Variants in HTR1E observed in about 807,000 individuals in gnomAD.
HTR1E encodes the protein 5-HT-1E.
HTR1E carries 3 observed loss-of-function variants against 3.4 expected under a neutral mutation model. The observed-to-expected ratio is 0.89, with a 90% confidence interval of 0.41 to 2.31. HTR1E has a LOEUF of 2.31. Among genes scored for constraint, HTR1E ranks in the 30% most tolerant of loss-of-function variants. The pLI, the probability that HTR1E is intolerant of heterozygous loss-of-function variation, is 0.05. For missense variants in HTR1E, 392 were observed against 467.0 expected, an observed-to-expected ratio of 0.84 and a Z score of 1.48; for synonymous variants, 170 against 182.8, an observed-to-expected ratio of 0.93 and a Z score of 0.56.
At chr6:86,956,023 G>A (rs918608157) in intron 1 of HTR1E, among the ~76,000 whole-genome samples, 4 of 152,076 alleles carry the variant, frequency 2.6e-5, no homozygotes, top group Admixed American at 2.6e-4. Flanking sequence ...TGGAATTGGG[G>A]CACAATGGAC....
intron 1 of HTR1E, among the ~76,000 whole-genome samples, chr6:87,011,742 G>A (rs1233676093): frequency 6.6e-6 from 1 of 152,134 alleles, no homozygotes; most frequent in Non-Finnish European, 1.5e-5. Flanking sequence ...GAAAGCGGAA[G>A]TATCAGACAG....
intron 1 of HTR1E, among the ~76,000 whole-genome samples, chr6:87,009,785 A>ACCC: frequency 1.0e-5 from 1 of 97,578 alleles, no homozygotes; most frequent in Non-Finnish European, 1.9e-5. Flanking sequence ...AGGGGGGCTG[A>ACCC]CCTCCCCCAC....
intron 1 of HTR1E, among the ~76,000 whole-genome samples, chr6:86,981,823 A>G (rs948003557): frequency 2.0e-5 from 3 of 152,244 alleles, no homozygotes; most frequent in African/African-American, 7.2e-5. Context: ...GAAGGGAAAG[A>G]GTCAGGATTT....
intron 1 of HTR1E, among the ~76,000 whole-genome samples, chr6:86,940,501 AC>A (rs1413554014): frequency 1.3e-5 from 2 of 152,312 alleles, no homozygotes; most frequent in East Asian, 3.9e-4. Flanking sequence ...GTGCCACGGC[AC>A]TACAGCCTAG....
At chr6:86,957,820 T>C (rs910281988) in intron 1 of HTR1E, among the ~76,000 whole-genome samples, 20 of 152,106 alleles carry the variant, frequency 1.3e-4, no homozygotes, top group Admixed American at 1.0e-3. Flanking sequence ...CATATCGAGA[T>C]CTCATGTGCA....
At chr6:86,947,495 T>A (rs984298176) in intron 1 of HTR1E, among the ~76,000 whole-genome samples, 1 of 152,142 alleles carries the variant, frequency 6.6e-6, no homozygotes, top group Non-Finnish European at 1.5e-5. Flanking sequence ...CACATGTTCA[T>A]TGTAGAAAAT....
At chr6:86,991,226 A>G (rs1767866477) in intron 1 of HTR1E, among the ~76,000 whole-genome samples, 1 of 152,188 alleles carries the variant, frequency 6.6e-6, no homozygotes, top group Non-Finnish European at 1.5e-5. Context: ...GATAAGAAAA[A>G]TTAAATACAA....
intron 1 of HTR1E, among the ~76,000 whole-genome samples, chr6:86,997,022 C>A (rs552648662): frequency 3.4e-4 from 52 of 151,992 alleles, no homozygotes; most frequent in African/African-American, 1.1e-3. Flanking sequence ...ACAGCACAAA[C>A]AAGCGAGATT....
At chr6:87,013,260 G>A (rs1341178116) in intron 1 of HTR1E, among the ~76,000 whole-genome samples, 1 of 152,150 alleles carries the variant, frequency 6.6e-6, no homozygotes, top group Non-Finnish European at 1.5e-5. Context: ...TCACTGGGAT[G>A]GTATAAAGCA....
At chr6:86,959,203 A>T (rs1226027187) in intron 1 of HTR1E, among the ~76,000 whole-genome samples, 2 of 152,056 alleles carry the variant, frequency 1.3e-5, no homozygotes, top group Non-Finnish European at 2.9e-5. Flanking sequence ...GGCCTACCAC[A>T]TTGTGGAGGA....
intron 1 of HTR1E, among the ~76,000 whole-genome samples, chr6:86,993,267 T>G (rs1350959123): frequency 6.8e-6 from 1 of 146,884 alleles, no homozygotes; most frequent in Non-Finnish European, 1.5e-5. Context: ...AATAAAAAGT[T>G]TATTTAAAAA....
intron 1 of HTR1E, among the ~76,000 whole-genome samples, chr6:87,013,394 T>A (rs187924002): frequency 2.2e-4 from 33 of 152,314 alleles, no homozygotes; most frequent in African/African-American, 6.7e-4. Flanking sequence ...ACTCATGATA[T>A]TTTTTATGTC....
chr6:86,993,358 T>C (rs1022506307), intron 1 of HTR1E, among the ~76,000 whole-genome samples: 1 of 151,974 alleles, frequency 6.6e-6, no homozygotes, highest in South Asian at 2.1e-4. Context: ...CATTGTGAAA[T>C]CCAAGGAGGA....
At chr6:86,998,664 A>G (rs1422532212) in intron 1 of HTR1E, among the ~76,000 whole-genome samples, 2 of 152,154 alleles carry the variant, frequency 1.3e-5, no homozygotes, top group East Asian at 1.9e-4. Flanking sequence ...TTAAGAGACC[A>G]GGAAAAGGGT....
chr6:86,970,261 A>T (rs1767531353), intron 1 of HTR1E, among the ~76,000 whole-genome samples: 1 of 152,204 alleles, frequency 6.6e-6, no homozygotes, highest in African/African-American at 2.4e-5. Context: ...GTTCTTTTAA[A>T]TCCTAAAGTA....
chr6:86,942,942 G>C (rs16878030), intron 1 of HTR1E, among the ~76,000 whole-genome samples: 2,307 of 152,274 alleles, frequency 0.015, 65 homozygotes, highest in African/African-American at 0.052. Flanking sequence ...CTTGGTGACA[G>C]AGGCAATGCT....
chr6:86,962,603 T>C (rs1313531027), intron 1 of HTR1E, among the ~76,000 whole-genome samples: 1 of 152,160 alleles, frequency 6.6e-6, no homozygotes, highest in Non-Finnish European at 1.5e-5. Context: ...TTTGGGAGGC[T>C]GAGGTGGGCA....
chr6:87,011,673 C>G (rs918921340), intron 1 of HTR1E, among the ~76,000 whole-genome samples: 1 of 152,034 alleles, frequency 6.6e-6, no homozygotes, highest in Admixed American at 6.5e-5. Flanking sequence ...CTATTTTTTC[C>G]CTTTCCTTCA....
rs367811710 is a variant in HTR1E, at chr6:87,016,457, C to A, written c.*25C>A. On this transcript the variant is annotated 3_prime_UTR_variant, in exon 2 of 2. Transcript: ENST00000305344. ...GACTGTAAAAAGCTAAAAGGCACGA[C>A]TTTTTCCAGAGCCTCATGAGTGGAT... The A allele has an allele frequency of 5.1e-6, 8 of 1,554,652 alleles. No homozygotes were observed. Among genetic ancestry groups the A allele is most frequent in the Non-Finnish European group, 3.5e-6 (4 of 1,148,498 alleles).
Sources: allele counts gnomAD v4.1 joint callset (sites outside exome capture counted in the v4.1 genomes callset), GRCh38; gene constraint gnomAD v4.1.1; transcripts MANE v1.5; gene names NCBI Gene and HGNC (gene_info 2026-07-23, HGNC 2026-07-21).